RTN1: variants seen among roughly 807,000 people sequenced by gnomAD.
RTN1 encodes reticulon 1, also known as reticulon-1.
Under a neutral mutation model 65.5 loss-of-function variants are expected in RTN1, and 25 were observed. The ratio of observed to expected loss-of-function variants is 0.38; its 90% confidence interval spans 0.28 to 0.53. RTN1 has a LOEUF of 0.53. Ranked by LOEUF, RTN1 falls within the 20% of genes least tolerant of loss-of-function variation. RTN1 has a pLI of 0.79. For synonymous variants in RTN1, 471 were observed against 447.6 expected, an observed-to-expected ratio of 1.05 and a Z score of -0.66; for missense variants, 983 against 1,025.4, an observed-to-expected ratio of 0.96 and a Z score of 0.57.
At chr14:59,743,918 A>T (rs1236687606) in intron 2 of RTN1, among the ~76,000 whole-genome samples, 1 of 152,058 alleles carries the variant, frequency 6.6e-6, no homozygotes, top group Admixed American at 6.6e-5. Context: ...TTTTTCGTTA[A>T]TTCCCCATCA....
At chr14:59,650,878 C>T (rs1349545824) in intron 3 of RTN1, among the ~76,000 whole-genome samples, 1 of 152,244 alleles carries the variant, frequency 6.6e-6, no homozygotes, top group South Asian at 2.1e-4. Context: ...ACATTTTTCA[C>T]CTAGGCAATA....
chr14:59,811,896 C>T (rs1270522352), intron 1 of RTN1, among the ~76,000 whole-genome samples: 1 of 152,156 alleles, frequency 6.6e-6, no homozygotes, highest in Non-Finnish European at 1.5e-5. Flanking sequence ...TGCTCATAGC[C>T]AGACTAATTC....
rs1054236888 is a variant in RTN1 at position 59,603,378 on chromosome 14, T to C, written c.2183-120A>G. 1.1e-5 allele frequency: 8 copies of C among 699,152 alleles called. No individual in the cohort carries two copies. In the African/African-American group the frequency reaches 1.5e-4, roughly 13 times the overall value. 43.3% of individuals were successfully genotyped at this position (699,152 alleles called of 1,614,324 possible). A position where few individuals can be genotyped will look rare whatever the true frequency, so the allele number is the denominator to read the frequency against. ...ATTATTTGGAATATACAGCATTTTA[T>C]TTTATTTTTTATTCCCTATTTTGAG... On this transcript the variant is annotated intron_variant, in intron 6 of 8. Transcript: ENST00000267484.
intron 1 of RTN1, among the ~76,000 whole-genome samples, chr14:59,823,677 G>A (rs1156480973): frequency 6.6e-6 from 1 of 152,114 alleles, no homozygotes; most frequent in Non-Finnish European, 1.5e-5. Context: ...CACATGGCCT[G>A]CCCCTTCTCT....
At chr14:59,620,123 C>T (rs1047325456) in intron 3 of RTN1, among the ~76,000 whole-genome samples, 19 of 151,904 alleles carry the variant, frequency 1.3e-4, no homozygotes, top group African/African-American at 4.4e-4. Flanking sequence ...TGGGATTAAT[C>T]ACAGTTGTTT....
chr14:59,693,252 AC>A (rs1883997206), intron 3 of RTN1, among the ~76,000 whole-genome samples: 1 of 152,180 alleles, frequency 6.6e-6, no homozygotes, highest in Non-Finnish European at 1.5e-5. Flanking sequence ...AACAAAGATA[AC>A]TTTTTGCACA....
intron 3 of RTN1, among the ~76,000 whole-genome samples, chr14:59,682,132 T>G (rs909896077): frequency 1.3e-5 from 2 of 152,124 alleles, no homozygotes; most frequent in African/African-American, 4.8e-5. Flanking sequence ...CTGACATACT[T>G]TCCAGAAAAA....
At chr14:59,707,722 C>T (rs1345239707) in intron 3 of RTN1, among the ~76,000 whole-genome samples, 5 of 151,950 alleles carry the variant, frequency 3.3e-5, no homozygotes, top group African/African-American at 1.2e-4. Flanking sequence ...CACACACACA[C>T]ACACACACAC....
intron 3 of RTN1, among the ~76,000 whole-genome samples, chr14:59,656,172 G>A (rs1465369237): frequency 1.3e-5 from 2 of 152,022 alleles, no homozygotes; most frequent in African/African-American, 2.4e-5. Context: ...GTCAAGACAA[G>A]GCAAGTTTAT....
rs1043878886 is a variant in RTN1, at chr14:59,774,735, A to G, written c.242-28254T>C. Among the ~76,000 whole-genome samples, 2 of 152,186 alleles carry G rather than the reference A, an allele frequency of 1.3e-5. No individual in the cohort carries two copies. The highest frequency in any genetic ancestry group is 2.4e-5 in the African/African-American group (1 of 41,454). On this transcript the variant is annotated intron_variant, in intron 1 of 8. Coordinates refer to ENST00000267484, the MANE Select transcript of RTN1 (RefSeq NM_021136.3). This position sits in a 1 kb window ranked among gnomAD's most constrained non-coding sequence, Gnocchi z 5.1. ...CTAGTCCCAATAAGTCACCACTACT[A>G]CAGTTGAGACTGAGGAGTGGTATGG...
intron 1 of RTN1, among the ~76,000 whole-genome samples, chr14:59,793,759 T>C (rs993972982): frequency 5.9e-5 from 9 of 152,034 alleles, no homozygotes; most frequent in Admixed American, 3.3e-4. Context: ...TACCAATATA[T>C]ACTCACTATT....
chr14:59,750,258 T>TAC (rs1885449558), intron 1 of RTN1, among the ~76,000 whole-genome samples: 2 of 44,066 alleles, frequency 4.5e-5, no homozygotes, highest in Admixed American at 4.3e-4. Context: ...TAATATATAA[T>TAC]ATATATAATA....
At chr14:59,665,644 G>A (rs1269533035) in intron 3 of RTN1, among the ~76,000 whole-genome samples, 1 of 152,098 alleles carries the variant, frequency 6.6e-6, no homozygotes, top group Admixed American at 6.6e-5. Flanking sequence ...GACACAGACT[G>A]GCAAATTGGA....
intron 2 of RTN1, among the ~76,000 whole-genome samples, chr14:59,739,212 G>T (rs1249745070): frequency 6.6e-6 from 1 of 152,118 alleles, no homozygotes; most frequent in Non-Finnish European, 1.5e-5. Flanking sequence ...TCCTGGAAGG[G>T]TTAGGATGAG....
At chr14:59,644,896 C>T (rs866860672) in intron 3 of RTN1, among the ~76,000 whole-genome samples, 4 of 152,076 alleles carry the variant, frequency 2.6e-5, no homozygotes, top group Non-Finnish European at 4.4e-5. Context: ...GGTCACCAGC[C>T]GCCCTTGCCA....
chr14:59,723,702 T>TA (rs1453735092), intron 3 of RTN1, among the ~76,000 whole-genome samples: 1 of 152,234 alleles, frequency 6.6e-6, no homozygotes, highest in African/African-American at 2.4e-5. Context: ...CATATGCACT[T>TA]ATGCACAGGG....
chr14:59,863,263 C>T (rs952866571), intron 1 of RTN1, among the ~76,000 whole-genome samples: 8 of 152,080 alleles, frequency 5.3e-5, no homozygotes, highest in African/African-American at 1.9e-4. Flanking sequence ...ACCTCTTATT[C>T]AGTTTCCTTT....
At chr14:59,747,115 C>T (rs1885244759) in intron 1 of RTN1, among the ~76,000 whole-genome samples, 1 of 152,198 alleles carries the variant, frequency 6.6e-6, no homozygotes, top group Admixed American at 6.5e-5. Context: ...CATCAGTTTT[C>T]CCTCTTGTTT....
intron 2 of RTN1, among the ~76,000 whole-genome samples, chr14:59,740,426 T>G (rs1245501034): frequency 6.6e-6 from 1 of 152,358 alleles, no homozygotes; most frequent in East Asian, 1.9e-4. Flanking sequence ...CAGTTACATT[T>G]GACTCTCAGC....
Sources: gnomAD v4.1 joint callset for allele counts (sites outside exome capture counted in the v4.1 genomes callset) on GRCh38, gnomAD v4.1.1 for gene constraint, Gnocchi (gnomAD v3.1) non-coding constraint, MANE v1.5 for transcripts, NCBI Gene and HGNC (gene_info 2026-07-23, HGNC 2026-07-21) for gene names.